BPIFC: variants seen among roughly 807,000 people sequenced by gnomAD.
The protein encoded by BPIFC is BPI fold containing family C, also known as BPI fold-containing family C protein.
A neutral mutation model predicts 57.6 loss-of-function variants in BPIFC; 60 were observed. The ratio of observed to expected loss-of-function variants is 1.04; its 90% CI spans 0.85 to 1.29. The LOEUF (loss-of-function observed/expected upper bound fraction) is 1.29. Ranked by LOEUF, BPIFC falls within the 50% of genes most tolerant of loss-of-function variation. BPIFC has a pLI of 0.00. For synonymous variants in BPIFC, 243 were observed against 224.5 expected, an observed-to-expected ratio of 1.08 and a Z score of -0.74; for missense variants, 581 against 600.5, an observed-to-expected ratio of 0.97 and a Z score of 0.34.
chr22:32,431,037 T>G (rs1219026877), intron 13 of BPIFC, among the ~76,000 whole-genome samples: 1 of 152,000 alleles, frequency 6.6e-6, no homozygotes, highest in African/African-American at 2.4e-5. Context: ...CCATTTTTAG[T>G]AAAGTACATA....
At chr22:32,445,412 C>T (rs1489666135) in intron 7 of BPIFC, among the ~76,000 whole-genome samples, 3 of 152,074 alleles carry the variant, frequency 2.0e-5, no homozygotes, top group South Asian at 2.1e-4. Context: ...TGGCGGGCAC[C>T]TGTAGTCCCA....
At chr22:32,416,078 G>GA in intron 15 of BPIFC, 87 bp from the exon 16 acceptor site, 4 of 593,794 alleles carry the variant, frequency 6.7e-6, no homozygotes, top group South Asian at 2.7e-5. Flanking sequence ...CTGACAGCTT[G>GA]CTTTTTTTTT....
intron 12 of BPIFC, among the ~76,000 whole-genome samples, chr22:32,431,797 A>G (rs1338356913): frequency 1.3e-5 from 2 of 152,190 alleles, no homozygotes; most frequent in Non-Finnish European, 2.9e-5. Context: ...TTAGATTAAA[A>G]AAAAAGAGAG....
At chr22:32,462,682 C>T (rs529286906) in intron 1 of BPIFC, among the ~76,000 whole-genome samples, 28 of 152,140 alleles carry the variant, frequency 1.8e-4, no homozygotes, top group Non-Finnish European at 3.5e-4. Context: ...AAGTAAGGCA[C>T]CTGGGAACCC....
At chr22:32,432,244 C>G in intron 12 of BPIFC, 129 bp downstream of exon 12, 1 of 1,010,722 alleles carries the variant, frequency 9.9e-7, no homozygotes, top group Non-Finnish European at 1.4e-6. Flanking sequence ...TCACGTCCAG[C>G]CTCCATCCTC....
chr22:32,459,203 C>A (rs1807206676), intron 2 of BPIFC, among the ~76,000 whole-genome samples: 1 of 152,082 alleles, frequency 6.6e-6, no homozygotes, highest in South Asian at 2.1e-4. Flanking sequence ...TCAAGGAAGG[C>A]CCAGGAAGGT....
chr22:32,417,876 A>C (rs1015336528), intron 14 of BPIFC, among the ~76,000 whole-genome samples: 7 of 151,876 alleles, frequency 4.6e-5, no homozygotes, highest in African/African-American at 1.7e-4. Context: ...TTTATTTAAA[A>C]ATTTTTTTTT....
chr22:32,423,689 A>C (rs1172861669), intron 13 of BPIFC, among the ~76,000 whole-genome samples: 1 of 151,470 alleles, frequency 6.6e-6, no homozygotes, highest in South Asian at 2.1e-4. Flanking sequence ...AAACAAAAAA[A>C]CCTCCTAAGT....
intron 16 of BPIFC, among the ~76,000 whole-genome samples, chr22:32,414,997 C>T (rs1933628656): frequency 6.6e-6 from 1 of 152,170 alleles, no homozygotes; most frequent in Non-Finnish European, 1.5e-5. Context: ...GGTCCCCAGC[C>T]TTTTTGGCAT....
Position 32,431,451 on chromosome 22 carries a change from G to C in BPIFC, c.1150-37C>G. On this transcript the variant is annotated intron_variant, in intron 12 of 16. Coordinates refer to ENST00000300399, the MANE Select transcript of BPIFC (RefSeq NM_174932.3). ...AAAAGCATTTATTATTAAGACGAGT[G>C]AGTGTCAATTTTGGCCATCAGTATA... 4 of 1,205,318 alleles carry C rather than the reference G, an allele frequency of 3.3e-6. No homozygotes were observed. The South Asian group carries it at 4.8e-5, about 15-fold the overall frequency. The allele number at this position is 1,205,318 out of a possible 1,614,324, so 74.7% of individuals were successfully genotyped here.
intron 3 of BPIFC, among the ~76,000 whole-genome samples, chr22:32,455,649 C>A (rs547164322): frequency 1.3e-5 from 2 of 152,254 alleles, no homozygotes; most frequent in South Asian, 4.2e-4. Context: ...CTTGGAGGAA[C>A]AGGGAGTAGA....
chr22:32,453,506 G>C lies in BPIFC; in HGVS notation c.125-3C>G. ...CATCTTCATTCCAGCTTGAACACCT[G>C]TGAAGGAAACAAGAAAGAATCTGTT... On this transcript the variant is annotated splice_polypyrimidine_tract_variant and splice_region_variant and intron_variant, in intron 3 of 16. Transcript: ENST00000300399. 6.4e-7 allele frequency: 1 copy of C among 1,573,762 alleles called. No individual in the cohort carries two copies. Among genetic ancestry groups the C allele is most frequent in the African/African-American group, 1.4e-5 (1 of 72,526 alleles).
intron 13 of BPIFC, among the ~76,000 whole-genome samples, chr22:32,425,791 G>A (rs1329378771): frequency 3.9e-5 from 6 of 152,202 alleles, no homozygotes; most frequent in African/African-American, 1.2e-4. Flanking sequence ...TATTATTCCC[G>A]TTTTATGCTT....
At chr22:32,439,764 G>A (rs927123074) in intron 8 of BPIFC, among the ~76,000 whole-genome samples, 9 of 151,822 alleles carry the variant, frequency 5.9e-5, no homozygotes, top group African/African-American at 1.9e-4. Context: ...ACAGGCCTGC[G>A]CCACCACCTC....
intron 13 of BPIFC, among the ~76,000 whole-genome samples, chr22:32,423,721 G>A (rs147650489): frequency 2.1e-4 from 32 of 151,820 alleles, no homozygotes; most frequent in African/African-American, 7.5e-4. Flanking sequence ...CAACAGTAAC[G>A]TACATCTGAT....
At chr22:32,461,527 C>A in intron 2 of BPIFC, 47 bp downstream of exon 2, 2 of 948,564 alleles carry the variant, frequency 2.1e-6, no homozygotes, top group Non-Finnish European at 2.5e-6. Flanking sequence ...TCCTGAGAGG[C>A]AGAGTGACAG....
rs144531842 is a variant in BPIFC at position 32,427,497 on chromosome 22, C to T, written c.1217+3850G>A. On this transcript the variant is annotated intron_variant, in intron 13 of 16. Transcript: ENST00000300399. Reference sequence around the variant, plus strand: ...GCAGCCCTGCCCCTGTGCCCCGCCCCGCATCACTCCCCATTTCCAGCCTTT... The same window carrying T: ...GCAGCCCTGCCCCTGTGCCCCGCCCTGCATCACTCCCCATTTCCAGCCTTT... Among the ~76,000 whole-genome samples the T allele has an allele frequency of 3.3e-4, 50 of 152,294 alleles. 1 individual carries two copies. In the East Asian group the frequency reaches 3.3e-3, roughly 10 times the overall value.
At chr22:32,456,679 T>C (rs1019973353) in intron 3 of BPIFC, among the ~76,000 whole-genome samples, 2 of 152,018 alleles carry the variant, frequency 1.3e-5, no homozygotes, top group African/African-American at 4.8e-5. Flanking sequence ...TGCAGTCCAT[T>C]CCCTCTCCAC....
chr22:32,457,559 G>GTCCAACCA (rs1935069315), intron 2 of BPIFC, among the ~76,000 whole-genome samples, 173 bp from the exon 3 acceptor site: 1 of 148,788 alleles, frequency 6.7e-6, no homozygotes, highest in Admixed American at 6.7e-5. Context: ...CCATCCATCC[G>GTCCAACCA]TCCATCCATC....
Sources: gnomAD v4.1 joint callset for allele counts (sites outside exome capture counted in the v4.1 genomes callset) on GRCh38, gnomAD v4.1.1 for gene constraint, MANE v1.5 for transcripts, NCBI Gene and HGNC (gene_info 2026-07-23, HGNC 2026-07-21) for gene names.